PLCL1: variants seen among roughly 807,000 people sequenced by gnomAD.
The protein encoded by PLCL1 is phospholipase C like 1 (inactive).
In PLCL1, 41 loss-of-function variants were observed where a neutral mutation model predicts 84.4. The observed-to-expected ratio is 0.49, with a 90% confidence interval of 0.38 to 0.63. The LOEUF (loss-of-function observed/expected upper bound fraction) is 0.63, where lower values mean the gene tolerates loss of function less well. Among genes scored for constraint, PLCL1 ranks in the 30% least tolerant of loss-of-function variants. The probability of loss-of-function intolerance (pLI) is 0.00; values close to 1 mark genes in which losing one functional copy is unlikely to be tolerated. For synonymous variants in PLCL1, 490 were observed against 488.3 expected (o/e 1.00, Z -0.05); for missense variants, 1,206 against 1,367.8 (o/e 0.88, Z 1.87).
At chr2:198,022,924 G>T (rs1691173110) in intron 1 of PLCL1, among the ~76,000 whole-genome samples, 1 of 152,082 alleles carries the variant, frequency 6.6e-6, no homozygotes, top group Admixed American at 6.6e-5. Context: ...GAACCAAAAA[G>T]GAGCCGGTAT....
chr2:197,917,699 G>C (rs1215987967), intron 1 of PLCL1, among the ~76,000 whole-genome samples: 1 of 152,134 alleles, frequency 6.6e-6, no homozygotes, highest in Non-Finnish European at 1.5e-5. Flanking sequence ...CCAAGGAAAA[G>C]GAACCAAGGC....
At chr2:198,101,881 A>G (rs562136740) in intron 4 of PLCL1, among the ~76,000 whole-genome samples, 1 of 152,116 alleles carries the variant, frequency 6.6e-6, no homozygotes, top group African/African-American at 2.4e-5. Context: ...TTGTGCTTTC[A>G]TCTCCTGGAT....
At chr2:197,828,414 G>T (rs1003361663) in intron 1 of PLCL1, among the ~76,000 whole-genome samples, 2 of 152,014 alleles carry the variant, frequency 1.3e-5, no homozygotes. Flanking sequence ...ATTTTAAATT[G>T]TAGTCAAAGT....
rs574765750 is a variant in PLCL1, at chr2:197,991,124, C to T, written c.241-92634C>T. On this transcript the variant is annotated intron_variant, in intron 1 of 5. Transcript: ENST00000428675. Reference sequence around the variant, plus strand: ...CAGAAGACTTCCCTCCTGGTGAAGTCGGGCATCATCCAATCCATTGAGGGC... The same window carrying T: ...CAGAAGACTTCCCTCCTGGTGAAGTTGGGCATCATCCAATCCATTGAGGGC... 3.0e-4 allele frequency among the ~76,000 whole-genome samples: 46 copies of T among 152,132 alleles called. No individual in the cohort carries two copies. In the South Asian group the frequency reaches 8.1e-3, roughly 27 times the overall value.
chr2:197,888,021 G>A (rs1390594447), intron 1 of PLCL1, among the ~76,000 whole-genome samples: 2 of 151,962 alleles, frequency 1.3e-5, no homozygotes, highest in Non-Finnish European at 2.9e-5. Context: ...GAGCCTGGAA[G>A]GTTGAAGCTG....
chr2:197,999,985 T>G (rs1339117164), intron 1 of PLCL1, among the ~76,000 whole-genome samples: 1 of 152,186 alleles, frequency 6.6e-6, no homozygotes, highest in Non-Finnish European at 1.5e-5. Flanking sequence ...TGGAGCAAAT[T>G]CCTGCAAATC....
At chr2:198,021,174 GAAAT>G (rs1431314292) in intron 1 of PLCL1, among the ~76,000 whole-genome samples, 4 of 152,264 alleles carry the variant, frequency 2.6e-5, no homozygotes, top group African/African-American at 9.6e-5. Flanking sequence ...AATTAAGGCA[GAAAT>G]AAATAAGTTC....
intron 1 of PLCL1, among the ~76,000 whole-genome samples, chr2:197,939,697 G>T (rs1030462442): frequency 2.0e-4 from 31 of 151,510 alleles, no homozygotes; most frequent in Admixed American, 7.9e-4. Flanking sequence ...TGAGGTACTG[G>T]GGATTGGGAC....
At chr2:197,912,085 C>T (rs1688493954) in intron 1 of PLCL1, among the ~76,000 whole-genome samples, 1 of 152,192 alleles carries the variant, frequency 6.6e-6, no homozygotes, top group Non-Finnish European at 1.5e-5. Context: ...TATTAACTGC[C>T]TTAGCTATCA....
rs146178984 is a variant in PLCL1, at chr2:197,913,844, T to C, written c.240+108505T>C. Among the ~76,000 whole-genome samples the C allele has an allele frequency of 3.5e-3, 529 of 152,274 alleles. 4 individuals carry two copies. The highest frequency in any genetic ancestry group is 0.012 in the African/African-American group (490 of 41,558). On this transcript the variant is annotated intron_variant, in intron 1 of 5. Coordinates refer to ENST00000428675, the MANE Select transcript of PLCL1 (RefSeq NM_006226.4). ...CCCATGGTGGAGGCAAAGTTTTCTCTTTCCTTTTCATAAAAGGGTAGGGAA... is the reference window on the plus strand; with the variant it reads ...CCCATGGTGGAGGCAAAGTTTTCTCCTTCCTTTTCATAAAAGGGTAGGGAA...
At chr2:198,031,132 A>T (rs1304234627) in intron 1 of PLCL1, among the ~76,000 whole-genome samples, 1 of 149,956 alleles carries the variant, frequency 6.7e-6, no homozygotes, top group African/African-American at 2.5e-5. Context: ...GTGCTTTGTG[A>T]GGTGGAGACA....
intron 1 of PLCL1, among the ~76,000 whole-genome samples, chr2:197,955,336 A>C (rs1450481235): frequency 3.3e-5 from 5 of 152,006 alleles, no homozygotes; most frequent in East Asian, 1.9e-4. Context: ...GTGTGAGTCC[A>C]GCCTTGTTCC....
At chr2:198,098,040 A>G (rs563190329) in intron 3 of PLCL1, among the ~76,000 whole-genome samples, 1 of 152,304 alleles carries the variant, frequency 6.6e-6, no homozygotes, top group South Asian at 2.1e-4. Flanking sequence ...TCTGATTTAC[A>G]AATGTACCAA....
chr2:197,935,396 G>T (rs1292625364), intron 1 of PLCL1, among the ~76,000 whole-genome samples: 1 of 152,088 alleles, frequency 6.6e-6, no homozygotes, highest in Non-Finnish European at 1.5e-5. Context: ...AAGAAAATGT[G>T]GTGCATAGAC....
chr2:198,030,409 C>G (rs16826791), intron 1 of PLCL1, among the ~76,000 whole-genome samples: 30,872 of 151,968 alleles, frequency 0.2, 3,236 homozygotes, highest in East Asian at 0.26. Context: ...TTTCAGATTC[C>G]AGAATAACTA....
At chr2:198,094,154 T>G (rs1013595881) in intron 3 of PLCL1, among the ~76,000 whole-genome samples, 3 of 152,108 alleles carry the variant, frequency 2.0e-5, no homozygotes, top group Non-Finnish European at 4.4e-5. Context: ...CTCCGCCTCC[T>G]GGGTTCATGC....
At chr2:197,980,528 A>G (rs1162657559) in intron 1 of PLCL1, among the ~76,000 whole-genome samples, 1 of 152,164 alleles carries the variant, frequency 6.6e-6, no homozygotes, top group Non-Finnish European at 1.5e-5. Context: ...GCACATAAAA[A>G]TTTCATTTCA....
intron 1 of PLCL1, among the ~76,000 whole-genome samples, chr2:198,044,474 G>C (rs564276752): frequency 5.3e-5 from 8 of 152,192 alleles, no homozygotes; most frequent in Admixed American, 4.6e-4. Flanking sequence ...GAGGAATCCT[G>C]CGAAGCTCAA....
At chr2:198,039,082 G>C (rs551474419) in intron 1 of PLCL1, among the ~76,000 whole-genome samples, 2 of 152,176 alleles carry the variant, frequency 1.3e-5, no homozygotes, top group Admixed American at 1.3e-4. Flanking sequence ...GCTTCATTTT[G>C]ACAGGTTCTT....
Sources: gnomAD v4.1 joint callset for allele counts (sites outside exome capture counted in the v4.1 genomes callset) on GRCh38, gnomAD v4.1.1 for gene constraint, MANE v1.5 for transcripts, NCBI Gene and HGNC (gene_info 2026-07-23, HGNC 2026-07-21) for gene names.